TMTC3: variants seen among roughly 807,000 people sequenced by gnomAD.
TMTC3 encodes transmembrane O-mannosyltransferase targeting cadherins 3, also known as protein O-mannosyl-transferase TMTC3.
In TMTC3, 52 loss-of-function variants were observed where a neutral mutation model predicts 92.2. The ratio of observed to expected loss-of-function variants is 0.56; its 90% CI spans 0.45 to 0.71. The LOEUF is 0.71. TMTC3 is among the 30% of genes least tolerant of loss of function. TMTC3 has a pLI of 0.00. For synonymous variants in TMTC3, 339 were observed against 363.3 expected (o/e 0.93, Z 0.76); for missense variants, 896 against 1,057.1 (o/e 0.85, Z 2.11).
intron 4 of TMTC3, among the ~76,000 whole-genome samples, chr12:88,155,250 AAC>A (rs2040993110): frequency 6.6e-6 from 1 of 152,204 alleles, no homozygotes; most frequent in Non-Finnish European, 1.5e-5. Context: ...CATTCACCGT[AAC>A]ACATCAGGCA....
rs955083729 is a variant in TMTC3, at chr12:88,197,081, A to G, written c.*1432A>G. ...TCCTGGGATAGTAATTTCTAATTAT[A>G]TAGTATTTCAAAACTATATATTTTT... On this transcript the variant is annotated 3_prime_UTR_variant, in exon 14 of 14. Coordinates refer to ENST00000266712, the MANE Select transcript of TMTC3 (RefSeq NM_181783.4). 2.0e-5 allele frequency: 3 copies of G among 152,134 alleles called. No homozygotes were observed. The highest frequency in any genetic ancestry group is 2.1e-4 in the South Asian group (1 of 4,828). The allele number at this position is 152,134 out of a possible 1,614,324, so 9.4% of individuals were successfully genotyped here.
At chr12:88,188,608 G>A (rs1352708769) in intron 10 of TMTC3, among the ~76,000 whole-genome samples, 1 of 152,038 alleles carries the variant, frequency 6.6e-6, no homozygotes, top group Non-Finnish European at 1.5e-5. Flanking sequence ...AAGTAATTTT[G>A]TGTATACCAT....
At position 88,176,173 on chromosome 12, in the gene TMTC3, A is replaced by T. The variant is rs768343335; in HGVS notation, c.1321-35A>T. 8 of 1,409,030 alleles carry T rather than the reference A, an allele frequency of 5.7e-6. No individual in the cohort carries two copies. The Admixed American group carries it at 6.0e-5, about 11-fold the overall frequency. 87.3% of individuals were successfully genotyped at this position (1,409,030 alleles called of 1,614,324 possible). ...GTATGAACTGGAGTCATTTTTTTTT[A>T]ATTGTAACTTTTTCTATCTGTGCTT... On this transcript the variant is annotated intron_variant, in intron 9 of 13. Coordinates refer to ENST00000266712, the MANE Select transcript of TMTC3 (RefSeq NM_181783.4).
Position 88,198,843 on chromosome 12 carries a change from T to G in TMTC3, c.*3194T>G, listed in dbSNP as rs890510117. The G allele has an allele frequency of 6.5e-6, 1 of 153,522 alleles. No individual in the cohort carries two copies. Among genetic ancestry groups the G allele is most frequent in the Admixed American group, 6.5e-5 (1 of 15,304 alleles). The allele number at this position is 153,522 out of a possible 1,614,324, so 9.5% of individuals were successfully genotyped here. ...ACCTCCTAATTGGATAACTAGATGG[T>G]ATTTAAAATGAATGCCCAAAAATAT... On this transcript the variant is annotated 3_prime_UTR_variant, in exon 14 of 14. Coordinates refer to ENST00000266712, the MANE Select transcript of TMTC3 (RefSeq NM_181783.4).
intron 10 of TMTC3, among the ~76,000 whole-genome samples, chr12:88,183,802 A>G (rs1344036025): frequency 6.6e-6 from 1 of 152,132 alleles, no homozygotes. Context: ...ATGTCCCTTA[A>G]TTGAGCCTGC....
At chr12:88,145,878 A>C (rs997203901) in intron 1 of TMTC3, among the ~76,000 whole-genome samples, 2 of 152,186 alleles carry the variant, frequency 1.3e-5, no homozygotes, top group Non-Finnish European at 2.9e-5. Context: ...GACATAATGA[A>C]TTGAGATCCC....
chr12:88,176,765 A>G (rs2041264272), intron 10 of TMTC3, among the ~76,000 whole-genome samples: 1 of 152,194 alleles, frequency 6.6e-6, no homozygotes, highest in South Asian at 2.1e-4. Flanking sequence ...CCTGGGTGAC[A>G]GAGTGAGACT....
intron 10 of TMTC3, among the ~76,000 whole-genome samples, chr12:88,180,471 G>C (rs1036714262): frequency 3.9e-5 from 6 of 152,164 alleles, no homozygotes; most frequent in Admixed American, 6.5e-5. Flanking sequence ...GAGAGAATAA[G>C]AAAAACCAAT....
chr12:88,159,642 G>A (rs2041052507), intron 4 of TMTC3, among the ~76,000 whole-genome samples: 1 of 150,780 alleles, frequency 6.6e-6, no homozygotes. Flanking sequence ...CAGCCTGAGT[G>A]ACAGGGCCAG....
At chr12:88,182,772 G>A (rs1458055830) in intron 10 of TMTC3, among the ~76,000 whole-genome samples, 1 of 152,132 alleles carries the variant, frequency 6.6e-6, no homozygotes. Context: ...ACTGACACAT[G>A]GTAGGACTGT....
intron 7 of TMTC3, among the ~76,000 whole-genome samples, chr12:88,166,992 G>GTT (rs36110529): frequency 1.2e-4 from 15 of 121,422 alleles, no homozygotes; most frequent in Admixed American, 5.0e-4. Context: ...TATTTGAACA[G>GTT]TTTTTTTTTT....
At position 88,198,265 on chromosome 12, in the gene TMTC3, G is replaced by A; in HGVS notation, c.*2616G>A. 3 of 397,666 alleles carry A rather than the reference G, an allele frequency of 7.5e-6. No individual in the cohort carries two copies. The highest frequency in any genetic ancestry group is 1.3e-5 in the Non-Finnish European group (3 of 225,406). 24.6% of individuals were successfully genotyped at this position (397,666 alleles called of 1,614,324 possible). On this transcript the variant is annotated 3_prime_UTR_variant, in exon 14 of 14. Coordinates refer to ENST00000266712, the MANE Select transcript of TMTC3 (RefSeq NM_181783.4). Reference sequence around the variant, plus strand: ...GATGGAGGAGGTGGGCACATTTAAGGTCAGTTCACTAACCTATGGTTCAGA... The same window carrying A: ...GATGGAGGAGGTGGGCACATTTAAGATCAGTTCACTAACCTATGGTTCAGA...
chr12:88,164,510 A>T (rs932269004), intron 6 of TMTC3, among the ~76,000 whole-genome samples: 2 of 151,598 alleles, frequency 1.3e-5, no homozygotes, highest in Non-Finnish European at 2.9e-5. Flanking sequence ...CAGTATGTTT[A>T]AAAAAAAATT....
In TMTC3 at chr12:88,188,223, G is replaced by A. The variant is rs185906739; in HGVS notation, c.1433-620G>A. 3.2e-4 allele frequency among the ~76,000 whole-genome samples: 49 copies of A among 152,106 alleles called. No homozygotes were observed. In the East Asian group the frequency reaches 8.3e-3, roughly 26 times the overall value. ...CACAAAAATTTTTAAAAATCGAATG[G>A]CAAAGTTTTTTTTCAGTCTCTTTGC... On this transcript the variant is annotated intron_variant, in intron 10 of 13. Coordinates refer to ENST00000266712, the MANE Select transcript of TMTC3 (RefSeq NM_181783.4).
At chr12:88,175,829 T>G (rs758641826) in intron 9 of TMTC3, among the ~76,000 whole-genome samples, 59 of 152,278 alleles carry the variant, frequency 3.9e-4, no homozygotes, top group Non-Finnish European at 6.8e-4. Context: ...CATAAATAAT[T>G]TTAAATATGT....
At chr12:88,181,747 G>T (rs901873904) in intron 10 of TMTC3, among the ~76,000 whole-genome samples, 1 of 151,800 alleles carries the variant, frequency 6.6e-6, no homozygotes, top group African/African-American at 2.4e-5. Flanking sequence ...AGCAGAAAAG[G>T]TCTCCAGGGC....
intron 1 of TMTC3, among the ~76,000 whole-genome samples, chr12:88,143,937 A>G (rs1447686524): frequency 1.3e-5 from 2 of 152,306 alleles, no homozygotes; most frequent in Admixed American, 6.5e-5. Flanking sequence ...TCCCCTTTTT[A>G]GACTATATAG....
chr12:88,171,493 G>T (rs903277495), intron 7 of TMTC3, among the ~76,000 whole-genome samples: 1 of 152,000 alleles, frequency 6.6e-6, no homozygotes, highest in African/African-American at 2.4e-5. Flanking sequence ...TCTTAACATG[G>T]TGTCCTCCGG....
At chr12:88,187,819 C>G (rs2041395800) in intron 10 of TMTC3, among the ~76,000 whole-genome samples, 1 of 152,160 alleles carries the variant, frequency 6.6e-6, no homozygotes, top group African/African-American at 2.4e-5. Context: ...CATAATGAAC[C>G]TTTTCATGTA....
Sources: allele counts gnomAD v4.1 joint callset (sites outside exome capture counted in the v4.1 genomes callset), GRCh38; gene constraint gnomAD v4.1.1; transcripts MANE v1.5; gene names NCBI Gene and HGNC (gene_info 2026-07-23, HGNC 2026-07-21).